Variants in GALNT13 observed in about 807,000 individuals in gnomAD.
The protein encoded by GALNT13 is polypeptide N-acetylgalactosaminyltransferase 13.
In GALNT13, 28 loss-of-function variants were observed where a neutral mutation model predicts 64.2. That is an observed-to-expected ratio of 0.44 (90% CI 0.32 to 0.60). The LOEUF (loss-of-function observed/expected upper bound fraction) is 0.60, where lower values mean the gene tolerates loss of function less well. Ranked by LOEUF, GALNT13 falls within the 20% of genes least tolerant of loss-of-function variation. The pLI is 0.05. For synonymous variants in GALNT13, 214 were observed against 224.6 expected, an observed-to-expected ratio of 0.95 and a Z score of 0.42; for missense variants, 577 against 669.8, an observed-to-expected ratio of 0.86 and a Z score of 1.53.
At chr2:153,518,893 C>T in the GALNT13 span, among the ~76,000 whole-genome samples, 2 of 152,116 alleles carry the variant, frequency 1.3e-5, no homozygotes, top group Non-Finnish European at 2.9e-5. Flanking sequence ...CAGCACAATA[C>T]AGTACTGTAA....
At chr2:154,216,892 A>C (rs1444147781) in intron 4 of GALNT13, among the ~76,000 whole-genome samples, 6 of 145,418 alleles carry the variant, frequency 4.1e-5, no homozygotes, top group African/African-American at 1.0e-4. Flanking sequence ...TCATTGCCTC[A>C]AAATCCTGGG....
the GALNT13 span, among the ~76,000 whole-genome samples, chr2:153,710,735 A>G: frequency 6.6e-6 from 1 of 152,156 alleles, no homozygotes; most frequent in East Asian, 1.9e-4. Flanking sequence ...AATATTACCC[A>G]CTTGTCAATA....
the GALNT13 span, among the ~76,000 whole-genome samples, chr2:153,183,148 T>C: frequency 6.6e-6 from 1 of 152,222 alleles, no homozygotes; most frequent in African/African-American, 2.4e-5. Context: ...TGTTGTTCTT[T>C]GACTTCTTAA....
the GALNT13 span, among the ~76,000 whole-genome samples, chr2:153,337,188 G>A: frequency 3.9e-5 from 6 of 152,106 alleles, no homozygotes; most frequent in East Asian, 1.2e-3. Context: ...ATTGAGACAA[G>A]GTAGGCTTAT....
chr2:153,320,483 CCAGTTGGTTATGG>C, the GALNT13 span, among the ~76,000 whole-genome samples: 1 of 152,092 alleles, frequency 6.6e-6, no homozygotes, highest in African/African-American at 2.4e-5. Flanking sequence ...CATAAAACTA[CCAGTTGGTTATGG>C]CAGTGTTTCT....
At chr2:153,241,455 A>C in the GALNT13 span, among the ~76,000 whole-genome samples, 1 of 152,240 alleles carries the variant, frequency 6.6e-6, no homozygotes, top group East Asian at 1.9e-4. Flanking sequence ...CAAAATTGAG[A>C]ACCTTTTGCC....
At chr2:153,233,488 A>T in the GALNT13 span, among the ~76,000 whole-genome samples, 271 of 145,362 alleles carry the variant, frequency 1.9e-3, no homozygotes, top group African/African-American at 6.0e-3. Flanking sequence ...CTTATTTTTA[A>T]AAAAAAAAAC....
At chr2:153,374,462 A>G in the GALNT13 span, among the ~76,000 whole-genome samples, 1 of 152,040 alleles carries the variant, frequency 6.6e-6, no homozygotes, top group Non-Finnish European at 1.5e-5. Context: ...GATTCTTTAT[A>G]TATTTTGTAT....
At chr2:154,351,682 CAAAAAAAAAAAAAAAAAAAAAAAAAAA>C (rs567606376) in intron 9 of GALNT13, among the ~76,000 whole-genome samples, 3 of 44,686 alleles carry the variant, frequency 6.7e-5, no homozygotes, top group Non-Finnish European at 7.5e-5. Context: ...GACTCCGTCT[CAAAAAAAAAAAAAAAAAAAAAAAAAAA>C]AAAAAAAAAA....
At chr2:153,271,973 A>G in the GALNT13 span, among the ~76,000 whole-genome samples, 1 of 152,134 alleles carries the variant, frequency 6.6e-6, no homozygotes, top group Non-Finnish European at 1.5e-5. Flanking sequence ...AACATCTACA[A>G]CCATCTGATC....
At chr2:153,656,317 A>AGTGTGTGTGGGT in the GALNT13 span, among the ~76,000 whole-genome samples, 1 of 149,362 alleles carries the variant, frequency 6.7e-6, no homozygotes, top group African/African-American at 2.5e-5. Context: ...GACTTAAAGA[A>AGTGTGTGTGGGT]GTGTGTGTGT....
intron 9 of GALNT13, among the ~76,000 whole-genome samples, chr2:154,378,599 G>A (rs1698110766): frequency 1.3e-5 from 2 of 152,068 alleles, no homozygotes; most frequent in South Asian, 2.1e-4. Flanking sequence ...TGTAACAAAT[G>A]TGAATTTTTA....
At chr2:154,212,359 C>T (rs1687823106) in intron 4 of GALNT13, among the ~76,000 whole-genome samples, 2 of 152,048 alleles carry the variant, frequency 1.3e-5, no homozygotes, top group African/African-American at 4.8e-5. Context: ...ATTCTCCTAC[C>T]TCAGCCCCCG....
the GALNT13 span, among the ~76,000 whole-genome samples, chr2:153,318,471 G>A: frequency 6.6e-6 from 1 of 152,290 alleles, no homozygotes; most frequent in Admixed American, 6.5e-5. Flanking sequence ...TCTTAATTGG[G>A]TTTGACTGGG....
the GALNT13 span, among the ~76,000 whole-genome samples, chr2:153,342,786 C>G: frequency 1.3e-5 from 2 of 152,188 alleles, no homozygotes; most frequent in African/African-American, 4.8e-5. Flanking sequence ...TGCTTAAGGT[C>G]TTAGTGTGCC....
chr2:154,373,834 TACAG>T (rs1164663640), intron 9 of GALNT13, among the ~76,000 whole-genome samples: 1 of 152,236 alleles, frequency 6.6e-6, no homozygotes, highest in African/African-American at 2.4e-5. Flanking sequence ...TAAAGATTCT[TACAG>T]AGTGTGAACA....
chr2:154,168,003 G>A (rs981893403), intron 4 of GALNT13, among the ~76,000 whole-genome samples: 2 of 152,204 alleles, frequency 1.3e-5, no homozygotes, highest in Non-Finnish European at 2.9e-5. Flanking sequence ...GCCAAGTCAG[G>A]TGGGGAGGGC....
the GALNT13 span, among the ~76,000 whole-genome samples, chr2:153,756,881 TTTTG>T: frequency 3.3e-5 from 5 of 152,096 alleles, no homozygotes; most frequent in South Asian, 8.3e-4. Context: ...TTCCAGGTGT[TTTTG>T]TTTGTTTGTT....
the GALNT13 span, among the ~76,000 whole-genome samples, chr2:153,438,239 C>T: frequency 2.6e-5 from 4 of 152,214 alleles, no homozygotes; most frequent in Admixed American, 2.6e-4. Context: ...CCTGACCTTT[C>T]TCTCTGGCTG....
Sources: gnomAD v4.1 joint callset for allele counts (sites outside exome capture counted in the v4.1 genomes callset) on GRCh38, gnomAD v4.1.1 for gene constraint, MANE v1.5 for transcripts, NCBI Gene and HGNC (gene_info 2026-07-23, HGNC 2026-07-21) for gene names.